PCDHGB1: variants seen among roughly 807,000 people sequenced by gnomAD.
PCDHGB1 encodes protocadherin gamma subfamily B, 1.
A neutral mutation model predicts 56.6 loss-of-function variants in PCDHGB1; 34 were observed. That is an observed-to-expected ratio of 0.60 (90% CI 0.46 to 0.80). PCDHGB1 has a LOEUF of 0.80. Ranked by LOEUF, PCDHGB1 falls within the 30% of genes least tolerant of loss-of-function variation. The pLI, the probability that PCDHGB1 is intolerant of heterozygous loss-of-function variation, is 0.00. For missense variants in PCDHGB1, 1,278 were observed against 1,204.6 expected (o/e 1.06, Z -0.90); for synonymous variants, 561 against 505.9 (o/e 1.11, Z -1.46).
chr5:141,390,095 T>C lies in PCDHGB1; in HGVS notation c.2409+37426T>C, dbSNP rs763642761. 3 of 1,613,972 alleles carry C rather than the reference T, an allele frequency of 1.9e-6. No individual in the cohort carries two copies. In the South Asian group the frequency reaches 3.3e-5, roughly 18 times the overall value. ...TCTGTGTTAAATCCGAATCCGTGGT[T>C]CCCCCCAACTACAGCGAGGGGACTT... On this transcript the variant is annotated intron_variant, in intron 1 of 3. Coordinates refer to ENST00000523390, the MANE Select transcript of PCDHGB1 (RefSeq NM_018922.3).
At chr5:141,427,957 C>A in intron 1 of PCDHGB1, 2 of 1,588,400 alleles carry the variant, frequency 1.3e-6, no homozygotes, top group Non-Finnish European at 1.7e-6. Flanking sequence ...GACAATGTGC[C>A]GCGGGTGCTG....
At position 141,491,919 on chromosome 5, in the gene PCDHGB1, C is replaced by A. The variant is rs1177043977; in HGVS notation, c.2410-2888C>A. 1.5e-6 allele frequency: 2 copies of A among 1,361,778 alleles called. No homozygotes were observed. Among genetic ancestry groups the A allele is most frequent in the South Asian group, 1.6e-5 (1 of 64,218 alleles). 84.4% of individuals were successfully genotyped at this position (1,361,778 alleles called of 1,614,324 possible). A position where few individuals can be genotyped will look rare whatever the true frequency, so the allele number is the denominator to read the frequency against. On this transcript the variant is annotated intron_variant, in intron 1 of 3. Coordinates refer to ENST00000523390, the MANE Select transcript of PCDHGB1 (RefSeq NM_018922.3). The surrounding 1 kb of genome is among the most constrained non-coding windows in gnomAD (Gnocchi z 6.9). ...CACCGGGGGTGGTGGCGACTGTGGGCGAGGGGAGGTGGGACCGACCCCCAC... is the reference window on the plus strand; with the variant it reads ...CACCGGGGGTGGTGGCGACTGTGGGAGAGGGGAGGTGGGACCGACCCCCAC...
chr5:141,448,323 A>G (rs2098582223), intron 1 of PCDHGB1, among the ~76,000 whole-genome samples: 1 of 152,080 alleles, frequency 6.6e-6, no homozygotes, highest in Non-Finnish European at 1.5e-5. Flanking sequence ...TTTTCTTTGA[A>G]TCTTTATAGC....
Position 141,490,440 on chromosome 5 carries a change from T to G in PCDHGB1, c.2410-4367T>G, listed in dbSNP as rs560525159. The G allele has an allele frequency of 6.2e-7, 1 of 1,614,206 alleles. No individual in the cohort carries two copies. The highest frequency in any genetic ancestry group is 1.7e-5 in the Admixed American group (1 of 60,026). On this transcript the variant is annotated intron_variant, in intron 1 of 3. Transcript: ENST00000523390. This position sits in a 1 kb window ranked among gnomAD's most constrained non-coding sequence, Gnocchi z 5.4. ...ACCTGCCATTTCAGATTAAGCCTTCTGAGAACCACTACTCGCTGCTAACCA... is the reference window on the plus strand; with the variant it reads ...ACCTGCCATTTCAGATTAAGCCTTCGGAGAACCACTACTCGCTGCTAACCA...
At chr5:141,393,114 C>A (rs750579370) in intron 1 of PCDHGB1, 3 of 1,613,300 alleles carry the variant, frequency 1.9e-6, no homozygotes, top group South Asian at 2.2e-5. Context: ...TCAGAGCCCG[C>A]GGTGTCTGAT....
At chr5:141,404,776 A>C in intron 1 of PCDHGB1, 1 of 1,613,070 alleles carries the variant, frequency 6.2e-7, no homozygotes, top group Non-Finnish European at 8.5e-7. Context: ...CCTACCGCCT[A>C]TTCAAGGCCA....
intron 1 of PCDHGB1, chr5:141,385,119 T>C: frequency 1.2e-6 from 2 of 1,614,212 alleles, no homozygotes; most frequent in South Asian, 2.2e-5. Flanking sequence ...CCTCGCACTT[T>C]GTGGGCATGG....
At chr5:141,393,632 C>T (rs1477463079) in intron 1 of PCDHGB1, 1 of 1,613,930 alleles carries the variant, frequency 6.2e-7, no homozygotes, top group Non-Finnish European at 8.5e-7. Context: ...ATGAGGGAAT[C>T]AACGGAAAAG....
At position 141,431,555 on chromosome 5, in the gene PCDHGB1, G is replaced by A. The variant is rs2097394199; in HGVS notation, c.2410-63252G>A. On this transcript the variant is annotated intron_variant, in intron 1 of 3. Transcript: ENST00000523390. This position sits in a 1 kb window ranked among gnomAD's most constrained non-coding sequence, Gnocchi z 4.8. The stretch of plus-strand genomic sequence containing the variant: ...GGGCACGCAGCTGCTTGTAGTCAAC[G>A]CTACCGACCCTGACGAAGGAGTCAA... 1 of 1,614,014 alleles carries A rather than the reference G, an allele frequency of 6.2e-7. No individual in the cohort carries two copies. The highest frequency in any genetic ancestry group is 8.5e-7 in the Non-Finnish European group (1 of 1,180,032).
At chr5:141,408,078 C>G in intron 1 of PCDHGB1, 1 of 1,407,992 alleles carries the variant, frequency 7.1e-7, no homozygotes, top group Non-Finnish European at 9.4e-7. Context: ...CCTTTCCCAG[C>G]ACAGCGGATT....
chr5:141,365,621 C>A (rs1764025097), intron 1 of PCDHGB1: 2 of 1,613,576 alleles, frequency 1.2e-6, no homozygotes, highest in Non-Finnish European at 8.5e-7. Context: ...TGGAACCCCG[C>A]CCCTCTCTAC....
intron 1 of PCDHGB1, chr5:141,415,390 G>A (rs1191160575): frequency 1.2e-6 from 2 of 1,614,224 alleles, no homozygotes; most frequent in South Asian, 2.2e-5. Flanking sequence ...CTTGACAGGT[G>A]TGTCCGGCTC....
At chr5:141,497,956 C>T (rs2099780659) in intron 2 of PCDHGB1, among the ~76,000 whole-genome samples, 1 of 152,214 alleles carries the variant, frequency 6.6e-6, no homozygotes, top group African/African-American at 2.4e-5. Flanking sequence ...TTCTGTTGGC[C>T]AGGCAGTGTT....
chr5:141,365,193 T>A, intron 1 of PCDHGB1: 2 of 1,613,762 alleles, frequency 1.2e-6, no homozygotes, highest in Non-Finnish European at 1.7e-6. Flanking sequence ...GAAGAAAAAA[T>A]TTCGGAGACT....
intron 1 of PCDHGB1, among the ~76,000 whole-genome samples, chr5:141,368,366 C>CAT (rs1765610966): frequency 6.6e-6 from 1 of 151,978 alleles, no homozygotes; most frequent in African/African-American, 2.4e-5. Context: ...TATATACACA[C>CAT]ATATATATAC....
intron 1 of PCDHGB1, among the ~76,000 whole-genome samples, chr5:141,471,039 A>G (rs1175460270): frequency 7.2e-6 from 1 of 137,964 alleles, no homozygotes; most frequent in Non-Finnish European, 1.5e-5. Context: ...TAACAAGCCC[A>G]AGCCCTCTTT....
chr5:141,383,003 T>G, intron 1 of PCDHGB1: 2 of 1,613,734 alleles, frequency 1.2e-6, no homozygotes, highest in Non-Finnish European at 1.7e-6. Flanking sequence ...CTCTACTCCG[T>G]GTCGGAGGAG....
At chr5:141,370,547 C>T in intron 1 of PCDHGB1, 1 of 1,613,888 alleles carries the variant, frequency 6.2e-7, no homozygotes, top group Non-Finnish European at 8.5e-7. Flanking sequence ...GGAACCTCGC[C>T]AAGGACCTGG....
At chr5:141,364,538 G>A in intron 1 of PCDHGB1, 1 of 1,614,118 alleles carries the variant, frequency 6.2e-7, no homozygotes, top group South Asian at 1.1e-5. Flanking sequence ...CGTCTCCAGA[G>A]GTAGGACGCA....
Sources: gnomAD v4.1 joint callset for allele counts (sites outside exome capture counted in the v4.1 genomes callset) on GRCh38, gnomAD v4.1.1 for gene constraint, Gnocchi (gnomAD v3.1) non-coding constraint, MANE v1.5 for transcripts, NCBI Gene and HGNC (gene_info 2026-07-23, HGNC 2026-07-21) for gene names.